The following STOX2 variants were observed in gnomAD, a reference collection of about 807,000 sequenced individuals.
The protein encoded by STOX2 is storkhead box 2.
Under a neutral mutation model 60.9 loss-of-function variants are expected in STOX2, and 28 were observed. The observed-to-expected ratio is 0.46, with a 90% CI of 0.34 to 0.63. STOX2 has a LOEUF of 0.63. Ranked by LOEUF, STOX2 falls within the 30% of genes least tolerant of loss-of-function variation. STOX2 has a pLI of 0.01. For synonymous variants in STOX2, 472 were observed against 463.9 expected, an observed-to-expected ratio of 1.02 and a Z score of -0.22; for missense variants, 1,024 against 1,187.7, an observed-to-expected ratio of 0.86 and a Z score of 2.03.
rs1401272166 is a variant in STOX2, at chr4:184,018,354, G to A, written c.*1070G>A. The A allele has an allele frequency of 6.6e-6, 1 of 152,280 alleles. No individual in the cohort carries two copies. The highest frequency in any genetic ancestry group is 2.4e-5 in the African/African-American group (1 of 41,548). The allele number at this position is 152,280 out of a possible 1,614,324, so 9.4% of individuals were successfully genotyped here. ...AGGCTGTGGGAGATAATTTTTAGTGGTTGTAGGAAAGAGCAAATTTAGGGA... is the reference window on the plus strand; with the variant it reads ...AGGCTGTGGGAGATAATTTTTAGTGATTGTAGGAAAGAGCAAATTTAGGGA... On this transcript the variant is annotated 3_prime_UTR_variant, in exon 4 of 4. Coordinates refer to ENST00000308497, the MANE Select transcript of STOX2 (RefSeq NM_020225.3).
rs1347953378 is a variant in STOX2 at position 183,836,781 on chromosome 4, TCTC to T, written c.364+38729_364+38731del. Among the ~76,000 whole-genome samples the T allele has an allele frequency of 1.3e-5, 2 of 152,264 alleles. No individual in the cohort carries two copies. The highest frequency in any genetic ancestry group is 6.5e-5 in the Admixed American group (1 of 15,302). On this transcript the variant is annotated intron_variant, in intron 1 of 2. Transcript: ENST00000513034. This position sits in a 1 kb window ranked among gnomAD's most constrained non-coding sequence, Gnocchi z 4.1. ...CTATTAGACACTCTGATATTGGAAATCTCCTAGTTGGCTCAGTGGAACTACAAA... is the reference window on the plus strand; with the variant it reads ...CTATTAGACACTCTGATATTGGAAATCTAGTTGGCTCAGTGGAACTACAAA...
rs192590550 is a variant in STOX2, at chr4:183,933,636, G to A, written c.166+26680G>A. On this transcript the variant is annotated intron_variant, in intron 1 of 3. Transcript: ENST00000308497. ...ACTCCTGACCTCAGGTGATCCACCCGCCTCATCCTCCCAAAGTGCTAGGAT... is the reference window on the plus strand; with the variant it reads ...ACTCCTGACCTCAGGTGATCCACCCACCTCATCCTCCCAAAGTGCTAGGAT... 3.4e-4 allele frequency among the ~76,000 whole-genome samples: 51 copies of A among 152,158 alleles called. 1 individual carries two copies. The East Asian group carries it at 7.3e-3, about 22-fold the overall frequency.
intron 1 of STOX2, among the ~76,000 whole-genome samples, chr4:183,800,338 G>A (rs941050119): frequency 6.6e-6 from 1 of 152,078 alleles, no homozygotes; most frequent in Non-Finnish European, 1.5e-5. Context: ...CGGTGATATG[G>A]GGGATCCTGG....
chr4:183,948,900 C>T (rs930245532), intron 1 of STOX2, among the ~76,000 whole-genome samples: 2 of 152,094 alleles, frequency 1.3e-5, no homozygotes, highest in African/African-American at 4.8e-5. Context: ...AGTGAGAGAA[C>T]ATGTGAAGTA....
intron 1 of STOX2, among the ~76,000 whole-genome samples, chr4:183,818,412 A>G (rs545264354): frequency 4.6e-5 from 7 of 152,334 alleles, no homozygotes; most frequent in South Asian, 4.1e-4. Flanking sequence ...CAGGTGTTGG[A>G]GGTAAGGTCA....
rs1367179864 is a variant in STOX2 at position 184,001,456 on chromosome 4, C to T, written c.298C>T (p.His100Tyr). Residue 100 changes from histidine (H) to tyrosine (Y), a missense_variant, in exon 2 of 4, where the codon CAC (histidine) becomes TAC (tyrosine). Physicochemically the swap from His to Tyr is moderately conservative, Grantham distance 83 (BLOSUM62 2). Around this residue, in one of 3 missense-constraint regions of STOX2, gnomAD observed 922 missense variants for 1,058.3 expected, o/e 0.87. Transcript: ENST00000308497. The surrounding 1 kb of genome is among the most constrained non-coding windows in gnomAD (Gnocchi z 4.2). ...KPVTQEALMEHLTTCFPGVPT... is the reference protein window; with the variant it reads ...KPVTQEALMEYLTTCFPGVPT... The stretch of plus-strand genomic sequence containing the variant: ...TGTCACCCAAGAAGCACTGATGGAG[C>T]ACCTGACCACGTGCTTCCCAGGTAA... 4 of 1,613,684 alleles carry T rather than the reference C, an allele frequency of 2.5e-6. No individual in the cohort carries two copies. Among genetic ancestry groups the T allele is most frequent in the Non-Finnish European group, 3.4e-6 (4 of 1,179,864 alleles).
intron 1 of STOX2, among the ~76,000 whole-genome samples, chr4:183,830,288 G>A (rs147265356): frequency 0.015 from 2,234 of 152,290 alleles, 25 homozygotes; most frequent in Middle Eastern, 0.034. Context: ...ATAATTAAAA[G>A]AATTCCCCCT....
At chr4:183,999,122 T>C (rs1477323565) in intron 1 of STOX2, among the ~76,000 whole-genome samples, 5 of 152,106 alleles carry the variant, frequency 3.3e-5, no homozygotes, top group African/African-American at 1.2e-4. Context: ...AAAAAAAGGA[T>C]ATGACAAATC....
At chr4:183,844,108 T>G (rs1739931904) in intron 1 of STOX2, among the ~76,000 whole-genome samples, 1 of 152,226 alleles carries the variant, frequency 6.6e-6, no homozygotes, top group Non-Finnish European at 1.5e-5. Flanking sequence ...TTCAATTTGG[T>G]GAATTTGTAT....
chr4:183,951,062 A>G (rs1295697618), intron 1 of STOX2, among the ~76,000 whole-genome samples: 2 of 151,614 alleles, frequency 1.3e-5, no homozygotes, highest in African/African-American at 4.9e-5. Context: ...AAAAATACAA[A>G]AAAATTAGCC....
intron 2 of STOX2, among the ~76,000 whole-genome samples, chr4:184,006,685 CAAA>C (rs1199363509): frequency 5.2e-5 from 4 of 76,536 alleles, no homozygotes; most frequent in Admixed American, 1.8e-4. Flanking sequence ...GACCCTGTCT[CAAA>C]AAAAAAAAAA....
chr4:183,975,334 AAAGAT>A (rs1462386998), intron 1 of STOX2, among the ~76,000 whole-genome samples: 2 of 152,122 alleles, frequency 1.3e-5, no homozygotes, highest in African/African-American at 2.4e-5. Context: ...GGAATTTTAT[AAAGAT>A]AAGAGTAGAT....
chr4:183,880,199 G>T (rs1740927211), intron 1 of STOX2, among the ~76,000 whole-genome samples: 1 of 152,038 alleles, frequency 6.6e-6, no homozygotes, highest in South Asian at 2.1e-4. Flanking sequence ...GGCCAGGCTG[G>T]TCTCGAACTC....
intron 1 of STOX2, among the ~76,000 whole-genome samples, chr4:183,928,819 CA>C (rs372774067): frequency 2.4e-4 from 35 of 144,610 alleles, no homozygotes; most frequent in East Asian, 6.0e-4. Flanking sequence ...AAAAAACAAA[CA>C]AAAAAAAAAC....
At chr4:183,926,623 G>T (rs189035977) in intron 1 of STOX2, among the ~76,000 whole-genome samples, 4,146 of 146,408 alleles carry the variant, frequency 0.028, 195 homozygotes, top group African/African-American at 0.097. Flanking sequence ...GCAAAAGTGG[G>T]TTTTTTTTTT....
At chr4:183,970,456 T>C (rs73008339) in intron 1 of STOX2, among the ~76,000 whole-genome samples, 8,454 of 152,084 alleles carry the variant, frequency 0.056, 299 homozygotes, top group African/African-American at 0.1. Context: ...TGAAGCACAG[T>C]TTGCCATTCA....
chr4:183,817,561 A>T (rs1343719431), intron 1 of STOX2, among the ~76,000 whole-genome samples: 1 of 152,262 alleles, frequency 6.6e-6, no homozygotes, highest in East Asian at 1.9e-4. Flanking sequence ...AGAAATTTCA[A>T]GGGATAAAAA....
chr4:183,854,986 G>C (rs1380231994), intron 1 of STOX2, among the ~76,000 whole-genome samples: 11 of 152,116 alleles, frequency 7.2e-5, no homozygotes. Flanking sequence ...GGATAGATTT[G>C]TTCATTCTTT....
At chr4:183,960,736 G>C (rs1268058900) in intron 1 of STOX2, among the ~76,000 whole-genome samples, 1 of 152,184 alleles carries the variant, frequency 6.6e-6, no homozygotes, top group Non-Finnish European at 1.5e-5. Flanking sequence ...TGTCGGATTT[G>C]CTTGGTCAGG....
Sources: gnomAD v4.1 joint callset for allele counts (sites outside exome capture counted in the v4.1 genomes callset) on GRCh38, gnomAD v4.1.1 for gene constraint, gnomAD v4.1.1 regional missense constraint, Gnocchi (gnomAD v3.1) non-coding constraint, MANE v1.5 for transcripts, NCBI Gene and HGNC (gene_info 2026-07-23, HGNC 2026-07-21) for gene names.